CEP85L: variants seen among roughly 807,000 people sequenced by gnomAD.
CEP85L encodes centrosomal protein 85L, also known as centrosomal protein of 85 kDa-like.
Under a neutral mutation model 100.3 loss-of-function variants are expected in CEP85L, and 60 were observed. The ratio of observed to expected loss-of-function variants is 0.60; its 90% CI spans 0.49 to 0.74. The LOEUF (loss-of-function observed/expected upper bound fraction) is 0.74, where lower values mean the gene tolerates loss of function less well. Ranked by LOEUF, CEP85L falls within the 30% of genes least tolerant of loss-of-function variation. The pLI, the probability that CEP85L is intolerant of heterozygous loss-of-function variation, is 0.00. For missense variants in CEP85L, 973 were observed against 936.2 expected (o/e 1.04, Z -0.51); for synonymous variants, 319 against 322.7 (o/e 0.99, Z 0.12).
At chr6:118,483,942 T>G in intron 6 of CEP85L, 84 bp from the exon 7 acceptor site, 1 of 1,225,762 alleles carries the variant, frequency 8.2e-7, no homozygotes. Context: ...TTAGACACCA[T>G]TGAATTCACC....
At chr6:118,627,904 T>C (rs1773907420) in intron 2 of CEP85L, among the ~76,000 whole-genome samples, 1 of 152,036 alleles carries the variant, frequency 6.6e-6, no homozygotes, top group Non-Finnish European at 1.5e-5. Flanking sequence ...GTCTTCCGGG[T>C]GGTTAAAGGG....
At chr6:118,682,887 A>ATG (rs1386042683) in intron 1 of CEP85L, among the ~76,000 whole-genome samples, 6 of 152,096 alleles carry the variant, frequency 3.9e-5, no homozygotes, top group Non-Finnish European at 5.9e-5. Flanking sequence ...CAATATGGAA[A>ATG]TGTGTCTAGA....
chr6:118,633,300 G>A (rs905336266), intron 1 of CEP85L, among the ~76,000 whole-genome samples: 1 of 151,536 alleles, frequency 6.6e-6, no homozygotes, highest in African/African-American at 2.4e-5. Flanking sequence ...TGCCTCCCGG[G>A]TTCACGCCAT....
chr6:118,644,750 C>T (rs1775075185), intron 1 of CEP85L, among the ~76,000 whole-genome samples: 1 of 152,124 alleles, frequency 6.6e-6, no homozygotes, highest in African/African-American at 2.4e-5. Context: ...TATACCAAAT[C>T]CATTTTCTTC....
chr6:118,537,032 G>A (rs1421931426), intron 3 of CEP85L, among the ~76,000 whole-genome samples: 1 of 152,010 alleles, frequency 6.6e-6, no homozygotes, highest in Non-Finnish European at 1.5e-5. Context: ...CCAGAAAACC[G>A]AGGTACTTGT....
chr6:118,670,558 G>A (rs188576292), intron 1 of CEP85L, among the ~76,000 whole-genome samples: 13 of 150,742 alleles, frequency 8.6e-5, no homozygotes, highest in Admixed American at 4.0e-4. Context: ...CTTCATTGTC[G>A]CACTAAGCAG....
At chr6:118,558,626 T>TACACACACACACACACACACACAC (rs371775061) in intron 3 of CEP85L, among the ~76,000 whole-genome samples, 4 of 111,664 alleles carry the variant, frequency 3.6e-5, no homozygotes, top group South Asian at 3.8e-4. Context: ...CACGTGCACA[T>TACACACACACACACACACACACAC]ACACACACAC....
intron 4 of CEP85L, among the ~76,000 whole-genome samples, 180 bp from the exon 5 acceptor site, chr6:118,511,595 T>C (rs895561403): frequency 5.9e-5 from 9 of 152,206 alleles, no homozygotes; most frequent in African/African-American, 2.2e-4. Flanking sequence ...TCTGTAAATA[T>C]GTATGCTTAG....
Position 118,465,476 on chromosome 6 carries a change from T to C in CEP85L, c.2347A>G (p.Ile783Val), listed in dbSNP as rs181970377. 563 of 1,613,710 alleles carry C rather than the reference T, an allele frequency of 3.5e-4. 1 individual carries two copies. In the African/African-American group the frequency reaches 6.9e-3, roughly 20 times the overall value. ...LSDVCQLRRD[I>V]DELRTTISDR... ...GATATTGTAGTCCTTAATTCATCAA[T>C]GTCTCTTCGTAACTGGCACACATCT... Residue 783 changes from isoleucine (I) to valine (V), a missense_variant, in exon 13 of 13, where the codon ATT becomes GTT. Around this residue, in one of 3 missense-constraint regions of CEP85L, gnomAD observed 890 missense variants for 844.5 expected, o/e 1.05. Transcript: ENST00000368491.
chr6:118,595,720 C>T (rs1410581992), intron 2 of CEP85L, among the ~76,000 whole-genome samples: 1 of 152,156 alleles, frequency 6.6e-6, no homozygotes, highest in Admixed American at 6.5e-5. Context: ...TCCCATGTAG[C>T]ATGTAAATTG....
At chr6:118,696,794 C>T (rs549328990) in intron 1 of CEP85L, among the ~76,000 whole-genome samples, 5 of 152,218 alleles carry the variant, frequency 3.3e-5, no homozygotes, top group South Asian at 2.1e-4. Context: ...CATGTTAAAA[C>T]GTTCTAAGAT....
intron 2 of CEP85L, among the ~76,000 whole-genome samples, chr6:118,602,800 C>G (rs2115182994): frequency 6.6e-6 from 1 of 151,876 alleles, no homozygotes; most frequent in South Asian, 2.1e-4. Context: ...GAACTCTGTT[C>G]CATAGATGGA....
chr6:118,582,150 C>A (rs766296141), intron 2 of CEP85L, among the ~76,000 whole-genome samples: 8 of 152,164 alleles, frequency 5.3e-5, no homozygotes, highest in Non-Finnish European at 8.8e-5. Context: ...ATACTATCAG[C>A]TCCTCCAGCT....
chr6:118,485,795 T>A (rs1447876553), intron 6 of CEP85L, among the ~76,000 whole-genome samples: 1 of 152,224 alleles, frequency 6.6e-6, no homozygotes, highest in African/African-American at 2.4e-5. Context: ...TTGGTCCCCA[T>A]CAACCAAGCC....
At chr6:118,565,461 A>T in intron 3 of CEP85L, 68 bp downstream of exon 3, 1 of 1,391,332 alleles carries the variant, frequency 7.2e-7, no homozygotes, top group Non-Finnish European at 1.0e-6. Flanking sequence ...TTATATGCTT[A>T]CTGTAAGTGT....
chr6:118,563,731 G>A (rs111971577), intron 3 of CEP85L, among the ~76,000 whole-genome samples: 3,187 of 152,254 alleles, frequency 0.021, 44 homozygotes, highest in South Asian at 0.034. Flanking sequence ...GATTACAGGC[G>A]TGCGCTACAG....
chr6:118,567,287 A>C (rs902840746), intron 2 of CEP85L, among the ~76,000 whole-genome samples: 5 of 131,300 alleles, frequency 3.8e-5, no homozygotes, highest in East Asian at 2.1e-4. Context: ...ATATATATAT[A>C]TCCATATTCA....
chr6:118,625,084 G>A (rs1008047109), intron 2 of CEP85L, among the ~76,000 whole-genome samples: 2 of 152,154 alleles, frequency 1.3e-5, no homozygotes, highest in African/African-American at 4.8e-5. Flanking sequence ...ACACCACCGG[G>A]ATAATTGGCT....
chr6:118,609,780 C>G (rs543170342), intron 2 of CEP85L, among the ~76,000 whole-genome samples: 1 of 151,360 alleles, frequency 6.6e-6, no homozygotes, highest in East Asian at 1.9e-4. Flanking sequence ...GAAAAAAAAA[C>G]GTAGGTGGAA....
Sources: allele counts gnomAD v4.1 joint callset (sites outside exome capture counted in the v4.1 genomes callset), GRCh38; gene constraint gnomAD v4.1.1; regional missense constraint gnomAD v4.1.1; transcripts MANE v1.5; gene names NCBI Gene and HGNC (gene_info 2026-07-23, HGNC 2026-07-21).